The following FMNL1 variants were observed in gnomAD, a reference collection of about 807,000 sequenced individuals.
The protein encoded by FMNL1 is formin-like protein 1.
A neutral mutation model predicts 121.3 loss-of-function variants in FMNL1; 43 were observed. The ratio of observed to expected loss-of-function variants is 0.35; its 90% CI spans 0.28 to 0.46. FMNL1 has a LOEUF of 0.46. FMNL1 is among the 20% of genes least tolerant of loss of function. The pLI, the probability that FMNL1 is intolerant of heterozygous loss-of-function variation, is 1.00. For synonymous variants in FMNL1, 613 were observed against 613.5 expected (o/e 1.00, Z 0.01); for missense variants, 1,191 against 1,482.4 (o/e 0.80, Z 3.23).
chr17:45,233,803 C>T lies in FMNL1; in HGVS notation c.485+72C>T. On this transcript the variant is annotated intron_variant, in intron 5 of 26. Transcript: ENST00000331495. This position sits in a 1 kb window ranked among gnomAD's most constrained non-coding sequence, Gnocchi z 4.1. The stretch of plus-strand genomic sequence containing the variant: ...TCCCCGTCTCCCTGCATCTCACCCA[C>T]TCCCCTGGCCAGTTTCAAGCCAGGC... 1 of 1,573,994 alleles carries T rather than the reference C, an allele frequency of 6.4e-7. No individual in the cohort carries two copies. The highest frequency in any genetic ancestry group is 8.7e-7 in the Non-Finnish European group (1 of 1,155,960).
At position 45,233,492 on chromosome 17, in the gene FMNL1, G is replaced by T. The variant is rs2043483992; in HGVS notation, c.402-156G>T. On this transcript the variant is annotated intron_variant, in intron 4 of 26. Transcript: ENST00000331495. The surrounding 1 kb of genome is among the most constrained non-coding windows in gnomAD (Gnocchi z 4.1). ...GACTGGCACCTTGAGGCATGGCTGG[G>T]CTGTGGGACCCACCTGAGTCTCCCA... 6.6e-6 allele frequency among the ~76,000 whole-genome samples: 1 copy of T among 152,080 alleles called. No individual in the cohort carries two copies. Among genetic ancestry groups the T allele is most frequent in the African/African-American group, 2.4e-5 (1 of 41,414 alleles).
intron 7 of FMNL1, chr17:45,236,536 G>C (rs1397825318): frequency 3.5e-6 from 1 of 284,886 alleles, no homozygotes; most frequent in Non-Finnish European, 6.6e-6. Context: ...CGGAGGGCCA[G>C]GGGAGAACAG....
At chr17:45,224,101 C>T (rs2043284382) in intron 1 of FMNL1, among the ~76,000 whole-genome samples, 1 of 152,110 alleles carries the variant, frequency 6.6e-6, no homozygotes, top group Non-Finnish European at 1.5e-5. Flanking sequence ...CAGCACCCAC[C>T]AGGGCTTACC....
intron 1 of FMNL1, among the ~76,000 whole-genome samples, chr17:45,223,117 A>AC (rs1199630683): frequency 1.3e-5 from 2 of 151,950 alleles, no homozygotes; most frequent in East Asian, 3.9e-4. Context: ...CACTCTCCCC[A>AC]CCCCCGACGC....
intron 18 of FMNL1, 71 bp downstream of exon 18, chr17:45,244,096 G>A (rs1598211278): frequency 1.0e-5 from 16 of 1,603,488 alleles, no homozygotes; most frequent in Non-Finnish European, 1.3e-5. Context: ...AGCCTGGGCT[G>A]CGGCAGGGAA....
Position 45,241,101 on chromosome 17 carries a change from C to CG in FMNL1, c.1231-24dup, listed in dbSNP as rs1241478955. The CG allele has an allele frequency of 2.0e-5, 33 of 1,612,738 alleles. No individual in the cohort carries two copies. Among genetic ancestry groups the CG allele is most frequent in the Non-Finnish European group, 2.5e-5 (30 of 1,179,510 alleles). On this transcript the variant is annotated intron_variant, in intron 12 of 26. Coordinates refer to ENST00000331495, the MANE Select transcript of FMNL1 (RefSeq NM_005892.4). The surrounding 1 kb of genome is among the most constrained non-coding windows in gnomAD (Gnocchi z 7.0). ...GCGGTGCCAGTGCCGGGCTGCGGGT[C>CG]GGGGCTCACCATGTGCTGGTGCTAC...
At chr17:45,244,957 C>G in intron 20 of FMNL1, 22 bp from the exon 21 acceptor site, 1 of 1,611,750 alleles carries the variant, frequency 6.2e-7, no homozygotes. Flanking sequence ...TGGCCTGTGG[C>G]TTACAATGGG....
rs1228727833 is a variant in FMNL1, at chr17:45,231,576, G to C, written c.214-791G>C. On this transcript the variant is annotated intron_variant, in intron 2 of 26. Coordinates refer to ENST00000331495, the MANE Select transcript of FMNL1 (RefSeq NM_005892.4). This position sits in a 1 kb window ranked among gnomAD's most constrained non-coding sequence, Gnocchi z 4.7. ...TGGAAGAAGTGAAAGTCTGAGGGGT[G>C]GCTCGGCGAATCTGAGGGGTTTGGG... is the stretch of plus-strand genomic sequence containing the variant. 2.6e-5 allele frequency: 4 copies of C among 152,504 alleles called. No homozygotes were observed. Among genetic ancestry groups the C allele is most frequent in the African/African-American group, 9.7e-5 (4 of 41,416 alleles). The allele number at this position is 152,504 out of a possible 1,614,324, so 9.4% of individuals were successfully genotyped here. A position where few individuals can be genotyped will look rare whatever the true frequency, so the allele number is the denominator to read the frequency against.
chr17:45,229,503 T>C (rs1373491416), intron 1 of FMNL1, among the ~76,000 whole-genome samples: 1 of 151,960 alleles, frequency 6.6e-6, no homozygotes, highest in Non-Finnish European at 1.5e-5. Context: ...CCCCTCAGGG[T>C]CTCCCACATC....
chr17:45,232,421 T>A lies in FMNL1; in HGVS notation c.268T>A (p.Tyr90Asn). The A allele has an allele frequency of 6.2e-7, 1 of 1,613,998 alleles. No homozygotes were observed. The highest frequency in any genetic ancestry group is 1.1e-5 in the South Asian group (1 of 91,086). Residue 90 changes from tyrosine (Y) to asparagine (N), a missense_variant, in exon 3 of 27, where the codon TAT (tyrosine) becomes AAT (asparagine). Coordinates refer to ENST00000331495, the MANE Select transcript of FMNL1 (RefSeq NM_005892.4). ...PAAYIQKLKS[Y>N]VDTGGVSRKV... is the part of the protein sequence containing the mutation. ...AGCCTACATCCAGAAGCTGAAGAGCTATGTGGATACTGGTGGGGTCAGCCG... is the reference window on the plus strand; with the variant it reads ...AGCCTACATCCAGAAGCTGAAGAGCAATGTGGATACTGGTGGGGTCAGCCG...
In FMNL1 at chr17:45,233,314, A is replaced by T; in HGVS notation, c.401+17A>T. On this transcript the variant is annotated intron_variant, in intron 4 of 26. Coordinates refer to ENST00000331495, the MANE Select transcript of FMNL1 (RefSeq NM_005892.4). This position sits in a 1 kb window ranked among gnomAD's most constrained non-coding sequence, Gnocchi z 4.1. Reference sequence around the variant, plus strand: ...CCACATTGGGTGAGTGAGGGCTCAGATCTTCCTCTCTGGGCCTAGGAAGGC... The same window carrying T: ...CCACATTGGGTGAGTGAGGGCTCAGTTCTTCCTCTCTGGGCCTAGGAAGGC... 1.9e-6 allele frequency: 3 copies of T among 1,553,338 alleles called. No individual in the cohort carries two copies. Among genetic ancestry groups the T allele is most frequent in the Non-Finnish European group, 2.6e-6 (3 of 1,148,772 alleles).
intron 1 of FMNL1, among the ~76,000 whole-genome samples, chr17:45,227,040 T>G (rs1450384122): frequency 6.6e-6 from 1 of 151,738 alleles, no homozygotes; most frequent in Non-Finnish European, 1.5e-5. Context: ...TGAGACCATA[T>G]AGAGGTGGGC....
intron 11 of FMNL1, 76 bp from the exon 12 acceptor site, chr17:45,240,400 G>A: frequency 6.8e-7 from 1 of 1,470,762 alleles, no homozygotes. Flanking sequence ...GGCAGTGGTG[G>A]CAGGGGGGTG....
intron 21 of FMNL1, 30 bp from the exon 22 acceptor site, chr17:45,245,223 T>C (rs2043802293): frequency 6.2e-7 from 1 of 1,613,632 alleles, no homozygotes; most frequent in Non-Finnish European, 8.5e-7. Flanking sequence ...TCCGATTCAC[T>C]GACCTGATAC....
rs2043581967 is a variant in FMNL1, at chr17:45,237,676, T to C, written c.894+37T>C. ...CCTCACCCAAACATGCATTTCCCCCTATGGTGTTGCTTGGAGTCTTGTTGT... is the reference window on the plus strand; with the variant it reads ...CCTCACCCAAACATGCATTTCCCCCCATGGTGTTGCTTGGAGTCTTGTTGT... On this transcript the variant is annotated intron_variant, in intron 9 of 26. Transcript: ENST00000331495. The surrounding 1 kb of genome is among the most constrained non-coding windows in gnomAD (Gnocchi z 4.4). 3 of 1,605,716 alleles carry C rather than the reference T, an allele frequency of 1.9e-6. No individual in the cohort carries two copies. The highest frequency in any genetic ancestry group is 2.6e-6 in the Non-Finnish European group (3 of 1,172,826).
In FMNL1 at chr17:45,246,612, G is replaced by A; in HGVS notation, c.*8+8G>A. Reference sequence around the variant, plus strand: ...GCCCCTCTAGCCCCTCAGGTACCCAGATGACCTGGCCTCTGATACCACGCT... The same window carrying A: ...GCCCCTCTAGCCCCTCAGGTACCCAAATGACCTGGCCTCTGATACCACGCT... On this transcript the variant is annotated splice_region_variant and intron_variant, in intron 26 of 26. Coordinates refer to ENST00000331495, the MANE Select transcript of FMNL1 (RefSeq NM_005892.4). The A allele has an allele frequency of 6.3e-7, 1 of 1,581,648 alleles. No homozygotes were observed.
At chr17:45,235,019 C>T (rs2043522209) in intron 6 of FMNL1, among the ~76,000 whole-genome samples, 1 of 152,160 alleles carries the variant, frequency 6.6e-6, no homozygotes, top group African/African-American at 2.4e-5. Context: ...GTAGATGGAC[C>T]CTAGAGCATC....
chr17:45,232,926 C>CTG (rs747013310), intron 3 of FMNL1: 24 of 563,686 alleles, frequency 4.3e-5, no homozygotes, highest in South Asian at 6.1e-5. Flanking sequence ...TGTTCATGTG[C>CTG]TGTGTGTGTG....
rs2043858480 is a variant in FMNL1, at chr17:45,247,241, T to A, written c.*383T>A. On this transcript the variant is annotated 3_prime_UTR_variant, in exon 27 of 27. Transcript: ENST00000331495. Reference sequence around the variant, plus strand: ...TGGCCTGTAACTTATAAAGTGCACCTCGCCCCCGCAAGCCCCAGCCCCGAG... The same window carrying A: ...TGGCCTGTAACTTATAAAGTGCACCACGCCCCCGCAAGCCCCAGCCCCGAG... The A allele has an allele frequency of 2.2e-6, 1 of 456,830 alleles. No individual in the cohort carries two copies. Among genetic ancestry groups the A allele is most frequent in the African/African-American group, 2.0e-5 (1 of 50,762 alleles). 28.3% of individuals were successfully genotyped at this position (456,830 alleles called of 1,614,324 possible).
Sources: allele counts gnomAD v4.1 joint callset (sites outside exome capture counted in the v4.1 genomes callset), GRCh38; gene constraint gnomAD v4.1.1; non-coding constraint Gnocchi (gnomAD v3.1); transcripts MANE v1.5; gene names NCBI Gene and HGNC (gene_info 2026-07-23, HGNC 2026-07-21).